The following SGCD variants were observed in gnomAD, a reference collection of about 807,000 sequenced individuals.
SGCD encodes delta-sarcoglycan.
In SGCD, 18 loss-of-function variants were observed where a neutral mutation model predicts 36.6. That is an observed-to-expected ratio of 0.49 (90% confidence interval 0.34 to 0.73). The LOEUF is 0.73. Ranked by LOEUF, SGCD falls within the 30% of genes least tolerant of loss-of-function variation. SGCD has a pLI of 0.01. For synonymous variants in SGCD, 133 were observed against 130.6 expected (o/e 1.02, Z -0.12); for missense variants, 387 against 346.7 (o/e 1.12, Z -0.92).
At chr5:156,478,995 A>G (rs893886994) in intron 3 of SGCD, among the ~76,000 whole-genome samples, 11 of 152,150 alleles carry the variant, frequency 7.2e-5, no homozygotes, top group Non-Finnish European at 1.2e-4. Flanking sequence ...CTCATGTTTT[A>G]TTTGATCTTG....
intron 1 of SGCD, among the ~76,000 whole-genome samples, chr5:155,956,502 T>C (rs955408953): frequency 1.3e-5 from 2 of 152,142 alleles, no homozygotes; most frequent in Admixed American, 1.3e-4. Flanking sequence ...TTCATCGTCC[T>C]GAGGATACTT....
At chr5:156,615,757 G>A (rs1385847967) in intron 6 of SGCD, among the ~76,000 whole-genome samples, 1 of 152,142 alleles carries the variant, frequency 6.6e-6, no homozygotes, top group Non-Finnish European at 1.5e-5. Flanking sequence ...GCAGATCTGG[G>A]AGCCCAAGAA....
chr5:155,890,677 T>TAGATAGATAGATAGATAGAC (rs1554102514), intron 1 of SGCD, among the ~76,000 whole-genome samples: 40 of 150,686 alleles, frequency 2.7e-4, no homozygotes, highest in South Asian at 4.2e-4. Context: ...GATAGATAGA[T>TAGATAGATAGATAGATAGAC]AGACAGATAG....
intron 3 of SGCD, among the ~76,000 whole-genome samples, chr5:156,389,771 G>T (rs116658013): frequency 0.014 from 2,072 of 152,286 alleles, 21 homozygotes; most frequent in Non-Finnish European, 0.023. Context: ...TAAGAACAAA[G>T]AGTCTGAATC....
chr5:156,397,711 A>T (rs890995137), intron 3 of SGCD, among the ~76,000 whole-genome samples: 7 of 152,200 alleles, frequency 4.6e-5, no homozygotes, highest in African/African-American at 1.7e-4. Flanking sequence ...TCTTAAATGT[A>T]CAAGTTAACC....
At position 156,656,164 on chromosome 5, in the gene SGCD, A is replaced by G. The variant is rs1031759425; in HGVS notation, c.575+8628A>G. Among the ~76,000 whole-genome samples, 10 of 152,188 alleles carry G rather than the reference A, an allele frequency of 6.6e-5. No homozygotes were observed. The East Asian group carries it at 1.9e-3, about 29-fold the overall frequency. ...CTTTATAAAAGAATTCTTCATGTTC[A>G]CAGTCAGCTAATATGCTGATGTGCT... is the stretch of plus-strand genomic sequence containing the variant. On this transcript the variant is annotated intron_variant, in intron 7 of 8. Coordinates refer to ENST00000337851, the MANE Select transcript of SGCD (RefSeq NM_000337.6).
At chr5:156,137,475 T>C (rs1356226614) in intron 3 of SGCD, among the ~76,000 whole-genome samples, 1 of 152,202 alleles carries the variant, frequency 6.6e-6, no homozygotes, top group Non-Finnish European at 1.5e-5. Flanking sequence ...GTCAGTCAAA[T>C]GGGAGGCATA....
At chr5:155,857,198 C>G in the SGCD span, among the ~76,000 whole-genome samples, 6 of 152,272 alleles carry the variant, frequency 3.9e-5, no homozygotes, top group East Asian at 9.7e-4. Context: ...GATGGTGCCA[C>G]TGCACTATGG....
At chr5:156,620,306 C>T (rs994099590) in intron 6 of SGCD, among the ~76,000 whole-genome samples, 9 of 152,166 alleles carry the variant, frequency 5.9e-5, no homozygotes. Context: ...TGTTGAACAC[C>T]ATTTGTACAA....
intron 3 of SGCD, among the ~76,000 whole-genome samples, chr5:156,427,639 C>T (rs1310877665): frequency 2.0e-5 from 3 of 152,008 alleles, no homozygotes; most frequent in Non-Finnish European, 2.9e-5. Context: ...ATCCTTTCAT[C>T]TTTTCGCCAT....
At chr5:155,954,607 G>C (rs548412650) in intron 1 of SGCD, among the ~76,000 whole-genome samples, 3 of 145,752 alleles carry the variant, frequency 2.1e-5, no homozygotes, top group Non-Finnish European at 3.0e-5. Flanking sequence ...TATAAAACTT[G>C]CAAGGCATGG....
At chr5:156,562,244 T>C (rs1378034541) in intron 4 of SGCD, among the ~76,000 whole-genome samples, 1 of 152,102 alleles carries the variant, frequency 6.6e-6, no homozygotes, top group African/African-American at 2.4e-5. Flanking sequence ...GAAAGAAAAG[T>C]GTAGCATATT....
chr5:156,558,201 G>C (rs1189144149), intron 4 of SGCD, among the ~76,000 whole-genome samples: 1 of 149,388 alleles, frequency 6.7e-6, no homozygotes, highest in Non-Finnish European at 1.5e-5. Flanking sequence ...TACAATGAAA[G>C]CCCATTCCAC....
chr5:155,943,204 A>G (rs1233155460), intron 1 of SGCD, among the ~76,000 whole-genome samples: 1 of 152,176 alleles, frequency 6.6e-6, no homozygotes, highest in Non-Finnish European at 1.5e-5. Context: ...TTTTCCTTAA[A>G]TAAATTACTA....
rs148763929 is a variant in SGCD at position 156,270,221 on chromosome 5, G to A, written c.-43-59313G>A. Among the ~76,000 whole-genome samples, 1,145 of 152,098 alleles carry A rather than the reference G, an allele frequency of 7.5e-3. 7 individuals are homozygous for A. Among genetic ancestry groups the A allele is most frequent in the African/African-American group, 0.021 (880 of 41,482 alleles). ...TTTGGCTCTCTATTCTGTTCCATTG[G>A]TCTATATGTCTGTTTTTGTACTAGT... On this transcript the variant is annotated intron_variant, in intron 3 of 9. Transcript: ENST00000517913.
chr5:155,892,529 T>A (rs1049548970), intron 1 of SGCD, among the ~76,000 whole-genome samples: 19 of 150,284 alleles, frequency 1.3e-4, no homozygotes, highest in Middle Eastern at 3.5e-3. Flanking sequence ...ACACCTGCCC[T>A]ATGTAAAAGA....
intron 3 of SGCD, among the ~76,000 whole-genome samples, chr5:156,179,646 G>A (rs972889939): frequency 1.3e-4 from 18 of 134,760 alleles, no homozygotes; most frequent in Non-Finnish European, 2.5e-4. Flanking sequence ...TTTTGAGACC[G>A]ATTCTCACTC....
intron 4 of SGCD, among the ~76,000 whole-genome samples, chr5:156,532,847 G>A (rs71591061): frequency 3.9e-5 from 6 of 152,188 alleles, no homozygotes; most frequent in African/African-American, 4.8e-5. Flanking sequence ...GATTATAGGC[G>A]TGAGCCACCA....
intron 3 of SGCD, among the ~76,000 whole-genome samples, chr5:156,163,861 A>C (rs1463024796): frequency 6.6e-6 from 1 of 150,894 alleles, no homozygotes; most frequent in East Asian, 1.9e-4. Context: ...TCTACTAAAA[A>C]AAATACAAAA....
Sources: gnomAD v4.1 joint callset for allele counts (sites outside exome capture counted in the v4.1 genomes callset) on GRCh38, gnomAD v4.1.1 for gene constraint, MANE v1.5 for transcripts, NCBI Gene and HGNC (gene_info 2026-07-23, HGNC 2026-07-21) for gene names.